Variants in REEP3 observed in about 807,000 individuals in gnomAD.
REEP3 encodes the protein receptor accessory protein 3, also known as receptor expression-enhancing protein 3.
A neutral mutation model predicts 41.3 loss-of-function variants in REEP3; 20 were observed. That is an observed-to-expected ratio of 0.48 (90% confidence interval 0.34 to 0.70). The LOEUF is 0.70. Among genes scored for constraint, REEP3 ranks in the 30% least tolerant of loss-of-function variants. The probability of loss-of-function intolerance (pLI) is 0.01; values close to 1 mark genes in which losing one functional copy is unlikely to be tolerated. For synonymous variants in REEP3, 104 were observed against 101.8 expected (o/e 1.02, Z -0.13); for missense variants, 271 against 308.8 (o/e 0.88, Z 0.92).
At chr10:63,522,178 G>A (rs1429028248) in intron 1 of REEP3, among the ~76,000 whole-genome samples, 1 of 152,028 alleles carries the variant, frequency 6.6e-6, no homozygotes, top group African/African-American at 2.4e-5. Context: ...AGGATCCCTG[G>A]GAAGGGTCCT....
Position 63,619,798 on chromosome 10 carries a change from G to A in REEP3, c.709G>A (p.Glu237Lys), listed in dbSNP as rs987850258. ...TGTGAAAACCACCAAAGGCCGCAAA[G>A]AGGTTGGTTAAGTGTAGAGCTGTTT... ...KSVKTTKGRKEVRYGSLKYKV... is the reference protein window; with the variant it reads ...KSVKTTKGRKKVRYGSLKYKV... Residue 237 changes from glutamate (E) to lysine (K), a missense_variant and splice_region_variant, in exon 7 of 8, where the codon GAG (glutamate) becomes AAG (lysine). Glu to Lys is a moderately conservative substitution (Grantham distance 56). Coordinates refer to ENST00000373758, the MANE Select transcript of REEP3 (RefSeq NM_001001330.3). 6.2e-7 allele frequency: 1 copy of A among 1,606,938 alleles called. No homozygotes were observed. Among genetic ancestry groups the A allele is most frequent in the South Asian group, 1.1e-5 (1 of 89,254 alleles).
intron 1 of REEP3, among the ~76,000 whole-genome samples, chr10:63,528,813 C>T (rs995701120): frequency 2.6e-5 from 4 of 152,226 alleles, no homozygotes; most frequent in African/African-American, 9.6e-5. Flanking sequence ...GCACTTCCCA[C>T]AGATACCCTC....
At chr10:63,540,238 GA>G (rs2133349835) in intron 1 of REEP3, among the ~76,000 whole-genome samples, 1 of 152,310 alleles carries the variant, frequency 6.6e-6, no homozygotes, top group South Asian at 2.1e-4. Flanking sequence ...AGTACCTCAT[GA>G]AATTCAACTT....
intron 2 of REEP3, among the ~76,000 whole-genome samples, chr10:63,567,774 C>T (rs555258354): frequency 6.6e-6 from 1 of 152,024 alleles, no homozygotes; most frequent in Non-Finnish European, 1.5e-5. Context: ...GAGATTAGAT[C>T]ATTATTCTTT....
At chr10:63,606,102 G>A (rs1219224675) in intron 5 of REEP3, 4 of 958,464 alleles carry the variant, frequency 4.2e-6, no homozygotes, top group Non-Finnish European at 5.0e-6. Context: ...TACTTTGATT[G>A]TTAGGATCAA....
chr10:63,541,618 AC>A (rs1326040054), intron 1 of REEP3, among the ~76,000 whole-genome samples: 2 of 151,520 alleles, frequency 1.3e-5, no homozygotes, highest in Non-Finnish European at 2.9e-5. Context: ...GTTCTAACAT[AC>A]TTATTCTATC....
intron 6 of REEP3, 75 bp downstream of exon 6, chr10:63,610,409 CG>C (rs1956268761): frequency 1.6e-5 from 21 of 1,325,218 alleles, no homozygotes; most frequent in Non-Finnish European, 1.9e-5. Flanking sequence ...TGGGGCCTGT[CG>C]GGGGGTGGGG....
intron 1 of REEP3, among the ~76,000 whole-genome samples, chr10:63,553,027 A>G (rs1192374238): frequency 3.3e-5 from 5 of 152,250 alleles, no homozygotes; most frequent in Admixed American, 6.5e-5. Flanking sequence ...TGCTTTTACA[A>G]TGACTTAATT....
chr10:63,551,482 C>T (rs1955628331), intron 1 of REEP3, among the ~76,000 whole-genome samples: 1 of 152,126 alleles, frequency 6.6e-6, no homozygotes, highest in African/African-American at 2.4e-5. Context: ...TACATAGTGA[C>T]TTTCTGCCAA....
In REEP3 at chr10:63,594,771, TTTCCAGG is replaced by T; in HGVS notation, c.106-3_109del. 1 of 1,586,636 alleles carries T rather than the reference TTTCCAGG, an allele frequency of 6.3e-7. No homozygotes were observed. The highest frequency in any genetic ancestry group is 1.1e-5 in the South Asian group (1 of 90,478). ...TGTTGTTTCATGAGTATTTTTATTATTTCCAGGTTCGATGGATGATGTACTGGATTGT... is the reference window on the plus strand; with the variant it reads ...TGTTGTTTCATGAGTATTTTTATTATTTCGATGGATGATGTACTGGATTGT... On this transcript the variant is annotated splice_acceptor_variant and splice_polypyrimidine_tract_variant and coding_sequence_variant and intron_variant, in exon 3 of 8. Transcript: ENST00000373758. LOFTEE classifies it high-confidence loss of function.
chr10:63,554,958 T>A (rs1303716798), intron 1 of REEP3, among the ~76,000 whole-genome samples: 1 of 151,820 alleles, frequency 6.6e-6, no homozygotes, highest in Admixed American at 6.6e-5. Flanking sequence ...GGGGAGAGAG[T>A]GAGGAGATGA....
chr10:63,556,388 C>CT (rs1174069313), intron 1 of REEP3, among the ~76,000 whole-genome samples: 2 of 152,022 alleles, frequency 1.3e-5, no homozygotes, highest in African/African-American at 4.8e-5. Flanking sequence ...TCCCAAAGTG[C>CT]TGGGATTACA....
At chr10:63,583,014 C>T (rs1955969067) in intron 2 of REEP3, among the ~76,000 whole-genome samples, 1 of 151,958 alleles carries the variant, frequency 6.6e-6, no homozygotes, top group African/African-American at 2.4e-5. Flanking sequence ...GAGATGGAGT[C>T]TCGCTCTGCC....
chr10:63,531,165 T>C (rs1211153134), intron 1 of REEP3, among the ~76,000 whole-genome samples: 1 of 152,254 alleles, frequency 6.6e-6, no homozygotes, highest in East Asian at 1.9e-4. Flanking sequence ...AGGATGGAAT[T>C]ATCCAACAGT....
chr10:63,583,887 GTCA>G (rs1955979052), intron 2 of REEP3, among the ~76,000 whole-genome samples: 2 of 152,180 alleles, frequency 1.3e-5, no homozygotes, highest in African/African-American at 4.8e-5. Context: ...GGACTGAGAA[GTCA>G]TTCCTTCCTA....
chr10:63,606,166 T>G, intron 5 of REEP3: 3 of 842,904 alleles, frequency 3.6e-6, no homozygotes, highest in Non-Finnish European at 4.3e-6. Flanking sequence ...TCTAAAGTGC[T>G]GAAATATGGA....
At chr10:63,566,673 G>A (rs1053358646) in intron 2 of REEP3, among the ~76,000 whole-genome samples, 8 of 152,158 alleles carry the variant, frequency 5.3e-5, no homozygotes, top group African/African-American at 1.9e-4. Context: ...ATAAGGGGTT[G>A]GAGAACTTTT....
intron 3 of REEP3, among the ~76,000 whole-genome samples, chr10:63,595,460 C>A (rs1249163357): frequency 2.0e-5 from 3 of 152,248 alleles, no homozygotes; most frequent in Non-Finnish European, 4.4e-5. Flanking sequence ...CTAAACCCTG[C>A]AATCACTTTG....
intron 2 of REEP3, among the ~76,000 whole-genome samples, chr10:63,574,852 T>C (rs1564482452): frequency 1.0e-5 from 1 of 97,372 alleles, no homozygotes; most frequent in Non-Finnish European, 2.4e-5. Context: ...AATTTCTTTT[T>C]TTTTTTTTTT....
Sources: allele counts gnomAD v4.1 joint callset (sites outside exome capture counted in the v4.1 genomes callset), GRCh38; gene constraint gnomAD v4.1.1; transcripts MANE v1.5; gene names NCBI Gene and HGNC (gene_info 2026-07-23, HGNC 2026-07-21).